CHCHD3: variants seen among roughly 807,000 people sequenced by gnomAD.
The protein encoded by CHCHD3 is MICOS complex subunit MIC19.
CHCHD3 carries 20 observed loss-of-function variants against 38.2 expected under a neutral mutation model. That is an observed-to-expected ratio of 0.52 (90% CI 0.37 to 0.76). The LOEUF is 0.76. CHCHD3 is among the 30% of genes least tolerant of loss of function. The pLI is 0.00. For synonymous variants in CHCHD3, 82 were observed against 100.0 expected (o/e 0.82, Z 1.07); for missense variants, 245 against 279.2 (o/e 0.88, Z 0.87).
At chr7:132,904,444 T>G (rs1019914616) in intron 4 of CHCHD3, among the ~76,000 whole-genome samples, 1 of 152,122 alleles carries the variant, frequency 6.6e-6, no homozygotes, top group Non-Finnish European at 1.5e-5. Context: ...TACTAAGCAA[T>G]ATCTCAATAT....
intron 3 of CHCHD3, among the ~76,000 whole-genome samples, chr7:132,998,298 G>C (rs1300965181): frequency 6.6e-6 from 1 of 152,180 alleles, no homozygotes; most frequent in Non-Finnish European, 1.5e-5. Flanking sequence ...CTGAATATAA[G>C]TTTTAATATT....
intron 2 of CHCHD3, among the ~76,000 whole-genome samples, chr7:133,051,679 G>C (rs1221654087): frequency 1.3e-5 from 2 of 152,096 alleles, no homozygotes; most frequent in South Asian, 2.1e-4. Flanking sequence ...AGATAAAATT[G>C]CATTTCAGGC....
At chr7:133,046,188 G>C (rs1342856543) in intron 2 of CHCHD3, among the ~76,000 whole-genome samples, 1 of 152,174 alleles carries the variant, frequency 6.6e-6, no homozygotes, top group Non-Finnish European at 1.5e-5. Flanking sequence ...TGAGAGACCG[G>C]TATAATCTGA....
intron 4 of CHCHD3, among the ~76,000 whole-genome samples, chr7:132,930,876 T>G (rs1244222318): frequency 2.0e-5 from 3 of 152,194 alleles, no homozygotes. Flanking sequence ...TCTAAGAAAT[T>G]GTACCAGGTT....
At chr7:132,868,751 A>C (rs1808692852) in intron 5 of CHCHD3, among the ~76,000 whole-genome samples, 1 of 152,176 alleles carries the variant, frequency 6.6e-6, no homozygotes, top group African/African-American at 2.4e-5. Flanking sequence ...AATCCAAATG[A>C]AAAGCTTGGT....
intron 3 of CHCHD3, among the ~76,000 whole-genome samples, chr7:132,990,609 G>GTC: frequency 6.6e-6 from 1 of 152,120 alleles, no homozygotes; most frequent in Non-Finnish European, 1.5e-5. Context: ...GAAATAACAT[G>GTC]AGAATCTCAG....
intron 3 of CHCHD3, among the ~76,000 whole-genome samples, chr7:133,003,387 T>A (rs951769395): frequency 7.2e-5 from 11 of 152,070 alleles, no homozygotes; most frequent in Non-Finnish European, 1.5e-4. Flanking sequence ...GGGTTTGGGG[T>A]CAATCCCAGG....
chr7:132,866,313 T>C (rs902406215), intron 5 of CHCHD3, among the ~76,000 whole-genome samples: 4 of 152,198 alleles, frequency 2.6e-5, no homozygotes, highest in Non-Finnish European at 5.9e-5. Context: ...CCACTTACTA[T>C]TCCCGCGACC....
At chr7:132,835,539 C>T (rs748535392) in intron 6 of CHCHD3, among the ~76,000 whole-genome samples, 5 of 152,158 alleles carry the variant, frequency 3.3e-5, no homozygotes, top group Non-Finnish European at 7.3e-5. Context: ...TTGTGCTTCC[C>T]GTGGCCTCTC....
At position 132,838,464 on chromosome 7, in the gene CHCHD3, T is replaced by C. The variant is rs202180281; in HGVS notation, c.459A>G (p.Ser153=). The change falls in exon 6 of 8, where the codon TCA becomes TCG. Residue 153 remains serine (S), a synonymous_variant. Coordinates refer to ENST00000262570, the MANE Select transcript of CHCHD3 (RefSeq NM_017812.4). ...EQLARLEERS[S]EFYRVTTEQY... Reference sequence around the variant, plus strand: ...GTTCAGTGGTGACTCTGTAGAACTCTGAGCTCTGTGGACAAAGATTGATAG... The same window carrying C: ...GTTCAGTGGTGACTCTGTAGAACTCCGAGCTCTGTGGACAAAGATTGATAG... 7 of 1,610,234 alleles carry C rather than the reference T, an allele frequency of 4.3e-6. No homozygotes were observed. The African/African-American group carries it at 6.7e-5, about 15-fold the overall frequency.
At chr7:132,786,396 C>T (rs1806319334) in intron 7 of CHCHD3, among the ~76,000 whole-genome samples, 1 of 152,184 alleles carries the variant, frequency 6.6e-6, no homozygotes, top group South Asian at 2.1e-4. Context: ...GACAGAGCTA[C>T]ACAGATTGGT....
At chr7:132,989,402 A>G (rs1460212291) in intron 3 of CHCHD3, among the ~76,000 whole-genome samples, 2 of 95,100 alleles carry the variant, frequency 2.1e-5, no homozygotes, top group Non-Finnish European at 5.1e-5. Flanking sequence ...ATGCAAGAGA[A>G]AAAAAAAAAA....
intron 3 of CHCHD3, among the ~76,000 whole-genome samples, chr7:132,986,779 G>A (rs1003496883): frequency 3.9e-5 from 6 of 152,152 alleles, no homozygotes; most frequent in Non-Finnish European, 8.8e-5. Context: ...ACATACATTA[G>A]TAAAGAAGAG....
intron 5 of CHCHD3, among the ~76,000 whole-genome samples, chr7:132,862,304 C>G (rs148803662): frequency 4.7e-4 from 71 of 152,270 alleles, no homozygotes; most frequent in African/African-American, 1.6e-3. Context: ...TACAGGCATA[C>G]TTTGGAGATA....
chr7:132,975,513 A>T (rs575504890), intron 3 of CHCHD3, among the ~76,000 whole-genome samples: 66 of 152,358 alleles, frequency 4.3e-4, no homozygotes, highest in African/African-American at 1.5e-3. Flanking sequence ...GAAGCTTATT[A>T]ATTTGGCTGC....
intron 6 of CHCHD3, 34 bp from the exon 7 acceptor site, chr7:132,796,611 G>C (rs1806623297): frequency 6.3e-7 from 1 of 1,599,820 alleles, no homozygotes; most frequent in Admixed American, 1.7e-5. Flanking sequence ...TGAGACCAAT[G>C]GTCTTCATTC....
intron 2 of CHCHD3, among the ~76,000 whole-genome samples, chr7:133,040,453 T>C (rs1389071635): frequency 1.3e-5 from 2 of 152,154 alleles, no homozygotes; most frequent in African/African-American, 2.4e-5. Context: ...AAACAGCCCT[T>C]ACCACCAGAC....
intron 4 of CHCHD3, among the ~76,000 whole-genome samples, chr7:132,902,949 A>G (rs1809707146): frequency 6.6e-6 from 1 of 152,228 alleles, no homozygotes; most frequent in African/African-American, 2.4e-5. Flanking sequence ...CTCCTGTCAT[A>G]CCAGAGTTTT....
chr7:132,995,055 T>C (rs759277818), intron 3 of CHCHD3, among the ~76,000 whole-genome samples: 7 of 152,188 alleles, frequency 4.6e-5, no homozygotes, highest in East Asian at 1.9e-4. Flanking sequence ...AACAAATACA[T>C]TGATTTTAAA....
Sources: allele counts gnomAD v4.1 joint callset (sites outside exome capture counted in the v4.1 genomes callset), GRCh38; gene constraint gnomAD v4.1.1; transcripts MANE v1.5; gene names NCBI Gene and HGNC (gene_info 2026-07-23, HGNC 2026-07-21).